Variants in PTPRB observed in about 807,000 individuals in gnomAD.
PTPRB encodes the protein protein tyrosine phosphatase receptor type B.
PTPRB carries 97 observed loss-of-function variants against 238.1 expected under a neutral mutation model. The observed-to-expected ratio is 0.41, with a 90% CI of 0.35 to 0.48. The LOEUF (loss-of-function observed/expected upper bound fraction) is 0.48, where lower values mean the gene tolerates loss of function less well. Among genes scored for constraint, PTPRB ranks in the 20% least tolerant of loss-of-function variants. PTPRB has a pLI of 0.30. For missense variants in PTPRB, 2,292 were observed against 2,681.9 expected (o/e 0.85, Z 3.21); for synonymous variants, 970 against 995.4 (o/e 0.97, Z 0.48).
At chr12:70,562,592 G>A (rs575640305) in intron 16 of PTPRB, among the ~76,000 whole-genome samples, 17 of 152,202 alleles carry the variant, frequency 1.1e-4, no homozygotes, top group East Asian at 5.8e-4. Context: ...AGGAGGAACC[G>A]CATTCATTTT....
chr12:70,594,565 T>G lies in PTPRB; in HGVS notation c.1418A>C (p.Tyr473Ser). ...GGVVDKHATS[Y>S]AFHGLTPGYL... is the part of the protein sequence containing the mutation. ...GCCAGGGGTCAGCCCGTGAAAAGCATAGGAAGTAGCATGTTTGTCCACAAC... is the reference window on the plus strand; with the variant it reads ...GCCAGGGGTCAGCCCGTGAAAAGCAGAGGAAGTAGCATGTTTGTCCACAAC... The change falls in exon 6 of 34, where the codon TAT (tyrosine) becomes TCT (serine). Residue 473 changes from tyrosine to serine, a missense_variant. Transcript: ENST00000334414. 1 of 1,613,972 alleles carries G rather than the reference T, an allele frequency of 6.2e-7. No homozygotes were observed. Among genetic ancestry groups the G allele is most frequent in the Non-Finnish European group, 8.5e-7 (1 of 1,179,898 alleles).
Position 70,560,739 on chromosome 12 carries a change from T to G in PTPRB, c.4364A>C (p.Lys1455Thr). 3 of 1,613,976 alleles carry G rather than the reference T, an allele frequency of 1.9e-6. No homozygotes were observed. The highest frequency in any genetic ancestry group is 2.5e-6 in the Non-Finnish European group (3 of 1,179,874). ...WRFQGLVPGR[K>T]YVLWVVTHSG... ...GTGAGTTACCACCCACAGCACGTAC[T>G]TCCTTCCAGGAACAAGGCCTTGAAA... The change falls in exon 17 of 34, where the codon AAG becomes ACG. Residue 1455 changes from lysine (K) to threonine (T), a missense_variant. By Grantham distance (78) the Lys-to-Thr change is moderately conservative. This residue lies in a region of PTPRB where 683 missense variants were observed against 862.0 expected (regional missense o/e 0.79). Coordinates refer to ENST00000334414, the MANE Select transcript of PTPRB (RefSeq NM_001109754.4). The surrounding 1 kb of genome is among the most constrained non-coding windows in gnomAD (Gnocchi z 4.2).
chr12:70,613,754 A>G (rs73328148), intron 3 of PTPRB, among the ~76,000 whole-genome samples: 3,606 of 152,270 alleles, frequency 0.024, 122 homozygotes, highest in African/African-American at 0.067. Context: ...GGATTTTCAT[A>G]GAGTCTCAAC....
intron 3 of PTPRB, among the ~76,000 whole-genome samples, chr12:70,612,140 T>G (rs1434393907): frequency 6.6e-6 from 1 of 152,186 alleles, no homozygotes; most frequent in Admixed American, 6.5e-5. Flanking sequence ...TAAACTACCT[T>G]TGCAAACTTT....
In PTPRB at chr12:70,534,620, C is replaced by A; in HGVS notation, c.6236G>T (p.Arg2079Leu). Residue 2079 changes from arginine (R) to leucine (L), a missense_variant, in exon 31 of 34, where the codon CGC becomes CTC. Arg to Leu is a moderately radical substitution (Grantham distance 102). Around this residue, in one of 4 missense-constraint regions of PTPRB, gnomAD observed 397 missense variants for 502.0 expected, o/e 0.79. Transcript: ENST00000334414. ...EEQLDAHRLI[R>L]HFHYTVWPDH... ...TGGCCACACCGTATAGTGAAAGTGG[C>A]GGATGAGTCTGTGTGCATCAAGCTG... 2.5e-6 allele frequency: 4 copies of A among 1,612,568 alleles called. No individual in the cohort carries two copies. The highest frequency in any genetic ancestry group is 3.4e-6 in the Non-Finnish European group (4 of 1,179,340).
At position 70,575,123 on chromosome 12, in the gene PTPRB, A is replaced by G. The variant is rs559153895; in HGVS notation, c.2842+1259T>C. Among the ~76,000 whole-genome samples the G allele has an allele frequency of 1.0e-3, 158 of 152,288 alleles. 1 individual carries two copies. Among genetic ancestry groups the G allele is most frequent in the African/African-American group, 3.6e-3 (151 of 41,548 alleles). On this transcript the variant is annotated intron_variant, in intron 11 of 33. Coordinates refer to ENST00000334414, the MANE Select transcript of PTPRB (RefSeq NM_001109754.4). ...CTTCAAATTATTCAAGGGTAGGGAT[A>G]ATCTCTTTATATCCCTGACTAGTGC...
chr12:70,609,479 C>A, intron 3 of PTPRB, 140 bp from the exon 4 acceptor site: 1 of 1,172,138 alleles, frequency 8.5e-7, no homozygotes, highest in Non-Finnish European at 1.2e-6. Flanking sequence ...TGCCCTCTGG[C>A]CAGAGAAGAG....
At chr12:70,585,306 T>G (rs1175601524) in intron 9 of PTPRB, 1 of 152,072 alleles carries the variant, frequency 6.6e-6, no homozygotes, top group Non-Finnish European at 1.5e-5. Context: ...CTGAAAAAAA[T>G]GAAAGCAATT....
At chr12:70,597,680 T>C (rs139975717) in intron 4 of PTPRB, among the ~76,000 whole-genome samples, 1 of 152,326 alleles carries the variant, frequency 6.6e-6, no homozygotes, top group Non-Finnish European at 1.5e-5. Flanking sequence ...CACTACTTCC[T>C]GGTAGACTAT....
rs1323795314 is a variant in PTPRB at position 70,516,894 on chromosome 12, CTT to C, written c.*4593_*4594del. The C allele has an allele frequency of 6.6e-6, 1 of 152,116 alleles. No homozygotes were observed. Among genetic ancestry groups the C allele is most frequent in the African/African-American group, 2.4e-5 (1 of 41,436 alleles). 9.4% of individuals were successfully genotyped at this position (152,116 alleles called of 1,614,324 possible). A position where few individuals can be genotyped will look rare whatever the true frequency, so the allele number is the denominator to read the frequency against. ...CAATTTCTTTATTTAATAAGTGTAT[CTT>C]ATATAGACAATCTTTTAAAAAATAA... is the stretch of plus-strand genomic sequence containing the variant. On this transcript the variant is annotated 3_prime_UTR_variant, in exon 34 of 34. Transcript: ENST00000334414.
intron 2 of PTPRB, among the ~76,000 whole-genome samples, chr12:70,630,555 G>A (rs1231312296): frequency 2.6e-5 from 4 of 152,168 alleles, no homozygotes; most frequent in Non-Finnish European, 5.9e-5. Context: ...CATAGTGTTG[G>A]GAGTTCTGGC....
chr12:70,527,363 A>G (rs1189240551), intron 32 of PTPRB, among the ~76,000 whole-genome samples: 1 of 152,236 alleles, frequency 6.6e-6, no homozygotes, highest in Admixed American at 6.5e-5. Context: ...GCAACATAAC[A>G]TACAATTTCA....
chr12:70,558,113 T>G (rs1325724997), intron 18 of PTPRB, among the ~76,000 whole-genome samples: 1 of 152,188 alleles, frequency 6.6e-6, no homozygotes, highest in Non-Finnish European at 1.5e-5. Flanking sequence ...GTGTTTGCAT[T>G]GTGTTTCCCT....
chr12:70,604,768 T>G lies in PTPRB; in HGVS notation c.979+4301A>C, dbSNP rs1390132666. On this transcript the variant is annotated intron_variant, in intron 4 of 33. Transcript: ENST00000334414. Reference sequence around the variant, plus strand: ...CCCTAAGCCAATATGACTGGTGTTCTTATGAGAAGACATTAACAGACAGAC... The same window carrying G: ...CCCTAAGCCAATATGACTGGTGTTCGTATGAGAAGACATTAACAGACAGAC... Among the ~76,000 whole-genome samples the G allele has an allele frequency of 2.0e-5, 3 of 152,264 alleles. No individual in the cohort carries two copies. The East Asian group carries it at 5.8e-4, about 29-fold the overall frequency.
intron 32 of PTPRB, among the ~76,000 whole-genome samples, chr12:70,524,931 ATATG>A (rs1055041435): frequency 1.9e-4 from 29 of 148,754 alleles, no homozygotes; most frequent in African/African-American, 6.4e-4. Flanking sequence ...ATATGTGTGT[ATATG>A]TATGTATATA....
chr12:70,607,548 CTTTTTTTTTTT>C (rs546758555), intron 4 of PTPRB, among the ~76,000 whole-genome samples: 1 of 137,114 alleles, frequency 7.3e-6, no homozygotes, highest in African/African-American at 2.7e-5. Flanking sequence ...TTTTCCTTTT[CTTTTTTTTTTT>C]TTTTTTGAGA....
chr12:70,529,967 G>A (rs2136216593), intron 32 of PTPRB, among the ~76,000 whole-genome samples: 1 of 134,814 alleles, frequency 7.4e-6, no homozygotes, highest in East Asian at 1.9e-4. Context: ...AAAAATCCAT[G>A]GGGAGTAGAG....
intron 21 of PTPRB, 47 bp downstream of exon 21, chr12:70,552,730 G>A: frequency 6.2e-7 from 1 of 1,604,640 alleles, no homozygotes; most frequent in South Asian, 1.1e-5. Context: ...TGAGTGCTTA[G>A]TAATGTAGCA....
chr12:70,520,426 A>G lies in PTPRB; in HGVS notation c.*1063T>C, dbSNP rs896911344. On this transcript the variant is annotated 3_prime_UTR_variant, in exon 34 of 34. Transcript: ENST00000334414. ...GAAGACCACTGTTTTTGTTTTTGCTATTGTTTTTAAATTTACTATATATGA... is the reference window on the plus strand; with the variant it reads ...GAAGACCACTGTTTTTGTTTTTGCTGTTGTTTTTAAATTTACTATATATGA... 1 of 231,512 alleles carries G rather than the reference A, an allele frequency of 4.3e-6. No individual in the cohort carries two copies. Among genetic ancestry groups the G allele is most frequent in the Non-Finnish European group, 8.7e-6 (1 of 114,614 alleles). The allele number at this position is 231,512 out of a possible 1,614,324, so 14.3% of individuals were successfully genotyped here.
Sources: gnomAD v4.1 joint callset for allele counts (sites outside exome capture counted in the v4.1 genomes callset) on GRCh38, gnomAD v4.1.1 for gene constraint, gnomAD v4.1.1 regional missense constraint, Gnocchi (gnomAD v3.1) non-coding constraint, MANE v1.5 for transcripts, NCBI Gene and HGNC (gene_info 2026-07-23, HGNC 2026-07-21) for gene names.